MYO10: variants seen among roughly 807,000 people sequenced by gnomAD.
The protein encoded by MYO10 is unconventional myosin-X.
Under a neutral mutation model 257.3 loss-of-function variants are expected in MYO10, and 133 were observed. The observed-to-expected ratio is 0.52, with a 90% confidence interval of 0.45 to 0.60. The LOEUF is 0.60. Among genes scored for constraint, MYO10 ranks in the 20% least tolerant of loss-of-function variants. MYO10 has a pLI of 0.00. For synonymous variants in MYO10, 1,104 were observed against 1,028.6 expected, an observed-to-expected ratio of 1.07 and a Z score of -1.40; for missense variants, 2,399 against 2,635.7, an observed-to-expected ratio of 0.91 and a Z score of 1.97.
chr5:16,892,428 C>T (rs983907111), intron 1 of MYO10, among the ~76,000 whole-genome samples: 10 of 152,054 alleles, frequency 6.6e-5, no homozygotes, highest in African/African-American at 2.4e-4. Context: ...GTCACTTGAA[C>T]TCAGGAGTTC....
chr5:16,928,335 C>T (rs1746194494), intron 1 of MYO10, among the ~76,000 whole-genome samples: 1 of 152,122 alleles, frequency 6.6e-6, no homozygotes, highest in African/African-American at 2.4e-5. Context: ...GTTGCGATTA[C>T]AGGCCCATGT....
chr5:16,689,455 T>C (rs939468386), intron 28 of MYO10, among the ~76,000 whole-genome samples: 5 of 152,086 alleles, frequency 3.3e-5, no homozygotes, highest in African/African-American at 7.2e-5. Context: ...TTTTCGTCCT[T>C]ATGCAAACAC....
In MYO10 at chr5:16,701,014, G is replaced by C; in HGVS notation, c.3381C>G (p.Thr1127=). ...ACCGGTAGGCACCCGAGCTGTTGTA[G>C]GTCCCCACAGAGCAGCGGTAGTCGG... ...WSPDYRCSVG[T]YNSSGAYRFS... is the part of the protein sequence containing the mutation. The change falls in exon 25 of 41, where the codon ACC becomes ACG. Residue 1127 remains threonine (T), a synonymous_variant. Coordinates refer to ENST00000513610, the MANE Select transcript of MYO10 (RefSeq NM_012334.3). The surrounding 1 kb of genome is among the most constrained non-coding windows in gnomAD (Gnocchi z 8.1). The C allele has an allele frequency of 6.4e-7, 1 of 1,561,934 alleles. No homozygotes were observed. Among genetic ancestry groups the C allele is most frequent in the Non-Finnish European group, 8.7e-7 (1 of 1,153,168 alleles).
intron 19 of MYO10, among the ~76,000 whole-genome samples, chr5:16,752,484 T>C (rs1249572881): frequency 6.6e-6 from 1 of 152,164 alleles, no homozygotes; most frequent in Non-Finnish European, 1.5e-5. Context: ...GGTTTCATCA[T>C]GTTGGCCAGG....
At chr5:16,737,007 A>G (rs932587822) in intron 19 of MYO10, among the ~76,000 whole-genome samples, 4 of 152,162 alleles carry the variant, frequency 2.6e-5, no homozygotes, top group African/African-American at 7.2e-5. Flanking sequence ...GTCTTTTGCC[A>G]AACGGCTAAA....
chr5:16,873,798 G>A (rs978315471), intron 2 of MYO10, among the ~76,000 whole-genome samples: 6 of 152,142 alleles, frequency 3.9e-5, no homozygotes, highest in Non-Finnish European at 8.8e-5. Context: ...TTTCAGCCAC[G>A]GCTGGAGTGT....
intron 21 of MYO10, 112 bp from the exon 22 acceptor site, chr5:16,704,797 C>A (rs1738254193): frequency 1.3e-6 from 1 of 772,950 alleles, no homozygotes; most frequent in Admixed American, 2.2e-5. Context: ...TTAGTTTGAT[C>A]CACCACATGG....
At chr5:16,849,683 T>G (rs946462758) in intron 2 of MYO10, among the ~76,000 whole-genome samples, 4 of 152,186 alleles carry the variant, frequency 2.6e-5, no homozygotes, top group African/African-American at 9.7e-5. Context: ...TGGAGAAACA[T>G]CTAAATGATG....
chr5:16,882,962 C>T (rs1025642056), intron 1 of MYO10, among the ~76,000 whole-genome samples: 1 of 143,768 alleles, frequency 7.0e-6, no homozygotes, highest in Admixed American at 6.7e-5. Context: ...GTCACCCAGG[C>T]TGGAATGCAG....
intron 1 of MYO10, among the ~76,000 whole-genome samples, chr5:16,891,624 A>G (rs112727447): frequency 0.012 from 1,796 of 152,268 alleles, 37 homozygotes; most frequent in African/African-American, 0.042. Flanking sequence ...GAATGTCATG[A>G]TGTGTGAATT....
intron 19 of MYO10, 29 bp downstream of exon 19, chr5:16,754,799 T>C: frequency 6.5e-7 from 1 of 1,534,380 alleles, no homozygotes; most frequent in Non-Finnish European, 8.9e-7. Flanking sequence ...TCGAGACAGA[T>C]CCCAGCCTAG....
chr5:16,891,300 A>C (rs1283832316), intron 1 of MYO10, among the ~76,000 whole-genome samples: 2 of 133,370 alleles, frequency 1.5e-5, no homozygotes, highest in African/African-American at 5.1e-5. Flanking sequence ...GTCTTGAAAG[A>C]GAGAGAAAAG....
chr5:16,784,693 G>A lies in MYO10; in HGVS notation c.468-1224C>T, dbSNP rs546320401. Reference sequence around the variant, plus strand: ...CTGACAACCGCTGAATGGTGGGATGGGCAGATGAGCCCCTTTTGCGTTCTA... The same window carrying A: ...CTGACAACCGCTGAATGGTGGGATGAGCAGATGAGCCCCTTTTGCGTTCTA... On this transcript the variant is annotated intron_variant, in intron 4 of 40. Coordinates refer to ENST00000513610, the MANE Select transcript of MYO10 (RefSeq NM_012334.3). 1.2e-4 allele frequency among the ~76,000 whole-genome samples: 19 copies of A among 152,332 alleles called. No homozygotes were observed. The East Asian group carries it at 3.5e-3, about 28-fold the overall frequency.
At chr5:16,805,573 T>G (rs1249375671) in intron 3 of MYO10, among the ~76,000 whole-genome samples, 14 of 151,760 alleles carry the variant, frequency 9.2e-5, no homozygotes, top group Admixed American at 9.2e-4. Flanking sequence ...TTGTTACCGC[T>G]CCACAAACGG....
intron 2 of MYO10, among the ~76,000 whole-genome samples, chr5:16,822,739 G>C (rs1373574611): frequency 6.8e-6 from 1 of 148,074 alleles, no homozygotes; most frequent in African/African-American, 2.5e-5. Flanking sequence ...CCAGGCTGGA[G>C]TGCAGTGGCA....
rs138033632 is a variant in MYO10, at chr5:16,699,298, AGGTAAG to A, written c.3556+146_3556+151del. Among the ~76,000 whole-genome samples the A allele has an allele frequency of 1.8e-3, 281 of 152,166 alleles. 1 individual carries two copies. The highest frequency in any genetic ancestry group is 6.5e-3 in the African/African-American group (268 of 41,534). ...CATTCATCTAAGTGGCCCAACACTGAGGTAAGGGTAGGTAGAACGACTTTCCCAGTC... is the reference window on the plus strand; with the variant it reads ...CATTCATCTAAGTGGCCCAACACTGAGGTAGGTAGAACGACTTTCCCAGTC... On this transcript the variant is annotated intron_variant, in intron 26 of 40. Transcript: ENST00000513610.
intron 18 of MYO10, among the ~76,000 whole-genome samples, chr5:16,757,633 T>C (rs1228759196): frequency 6.6e-6 from 1 of 152,222 alleles, no homozygotes; most frequent in African/African-American, 2.4e-5. Context: ...TGTTTTCATC[T>C]GACTCAGAGA....
intron 3 of MYO10, among the ~76,000 whole-genome samples, chr5:16,817,189 G>A (rs1451967132): frequency 6.6e-6 from 1 of 152,136 alleles, no homozygotes; most frequent in Non-Finnish European, 1.5e-5. Context: ...GAATAAAAAT[G>A]ACTAAAAGAT....
chr5:16,672,880 T>C, intron 36 of MYO10, 55 bp from the exon 37 acceptor site: 1 of 1,565,584 alleles, frequency 6.4e-7, no homozygotes, highest in South Asian at 1.2e-5. Flanking sequence ...CCAACACGTG[T>C]TCCCAGAACG....
Sources: allele counts gnomAD v4.1 joint callset (sites outside exome capture counted in the v4.1 genomes callset), GRCh38; gene constraint gnomAD v4.1.1; non-coding constraint Gnocchi (gnomAD v3.1); transcripts MANE v1.5; gene names NCBI Gene and HGNC (gene_info 2026-07-23, HGNC 2026-07-21).